The following WWOX variants were observed in gnomAD, a reference collection of about 807,000 sequenced individuals.
WWOX encodes WW domain containing oxidoreductase.
In WWOX, 69 loss-of-function variants were observed where a neutral mutation model predicts 46.2. That is an observed-to-expected ratio of 1.49 (90% CI 1.23 to 1.82). WWOX has a LOEUF of 1.82. Ranked by LOEUF, WWOX falls within the 40% of genes most tolerant of loss-of-function variation. The pLI is 0.00. For missense variants in WWOX, 919 were observed against 542.6 expected (o/e 1.69, Z -6.89); for synonymous variants, 359 against 202.6 (o/e 1.77, Z -6.56).
intron 8 of WWOX, among the ~76,000 whole-genome samples, chr16:78,847,941 A>G (rs1425734986): frequency 1.3e-5 from 2 of 152,150 alleles, no homozygotes; most frequent in Non-Finnish European, 2.9e-5. Flanking sequence ...CACTGCACGA[A>G]CAACCCTGAG....
chr16:78,814,164 C>A (rs918945827), intron 8 of WWOX, among the ~76,000 whole-genome samples: 1 of 152,180 alleles, frequency 6.6e-6, no homozygotes, highest in Non-Finnish European at 1.5e-5. Context: ...TGCCGGCAAG[C>A]GGAGTCAGTT....
rs1278110552 is a variant in WWOX, at chr16:78,339,864, C to T, written c.517-46996C>T. 4.3e-5 allele frequency among the ~76,000 whole-genome samples: 5 copies of T among 116,572 alleles called. 1 individual carries two copies. Among genetic ancestry groups the T allele is most frequent in the Non-Finnish European group, 1.0e-4 (5 of 49,272 alleles). The allele number at this position is 116,572 out of a possible 152,430, so 76.5% of individuals were successfully genotyped here. A position where few individuals can be genotyped will look rare whatever the true frequency, so the allele number is the denominator to read the frequency against. On this transcript the variant is annotated intron_variant, in intron 5 of 8. Transcript: ENST00000566780. ...GAGGCATATCATCAACCCCTTGCTG[C>T]TATCCAAATAGGAGACTGTTCCCTT...
intron 8 of WWOX, among the ~76,000 whole-genome samples, chr16:78,842,573 T>C (rs1393232963): frequency 2.0e-5 from 3 of 152,036 alleles, no homozygotes; most frequent in Non-Finnish European, 4.4e-5. Flanking sequence ...GTACATAGAA[T>C]ACAAGAGGAG....
At chr16:78,923,099 A>C (rs891000009) in intron 8 of WWOX, among the ~76,000 whole-genome samples, 1 of 150,902 alleles carries the variant, frequency 6.6e-6, no homozygotes, top group Admixed American at 6.6e-5. Flanking sequence ...CTCCTGCCTC[A>C]GCCTTGCGAG....
At chr16:78,606,639 T>G (rs1363001015) in intron 8 of WWOX, among the ~76,000 whole-genome samples, 2 of 151,364 alleles carry the variant, frequency 1.3e-5, no homozygotes, top group Non-Finnish European at 2.9e-5. Flanking sequence ...TGACACGAAG[T>G]TGAATATGTG....
At chr16:78,151,799 C>T (rs1441573382) in intron 4 of WWOX, among the ~76,000 whole-genome samples, 1 of 152,176 alleles carries the variant, frequency 6.6e-6, no homozygotes, top group Non-Finnish European at 1.5e-5. Flanking sequence ...TGCCCCCAAC[C>T]GGTAACTCTC....
At position 78,953,728 on chromosome 16, in the gene WWOX, C is replaced by A. The variant is rs1033766466; in HGVS notation, c.1057-257880C>A. On this transcript the variant is annotated intron_variant, in intron 8 of 8. Transcript: ENST00000566780. Reference sequence around the variant, plus strand: ...CATGCATGAATGGATAAACTCTTTCCTGGAATGCCTGCTCTCATCACCTGG... The same window carrying A: ...CATGCATGAATGGATAAACTCTTTCATGGAATGCCTGCTCTCATCACCTGG... Among the ~76,000 whole-genome samples, 10 of 152,258 alleles carry A rather than the reference C, an allele frequency of 6.6e-5. No individual in the cohort carries two copies. The South Asian group carries it at 2.1e-3, about 32-fold the overall frequency.
intron 8 of WWOX, among the ~76,000 whole-genome samples, chr16:78,702,033 ATATATATAT>A: frequency 8.1e-6 from 1 of 123,046 alleles, no homozygotes; most frequent in African/African-American, 4.1e-5. Context: ...ATATATATAT[ATATATATAT>A]ATAAAATAAT....
intron 8 of WWOX, among the ~76,000 whole-genome samples, chr16:78,887,295 ACT>A (rs1491115233): frequency 3.3e-5 from 5 of 151,312 alleles, no homozygotes; most frequent in Admixed American, 6.6e-5. Context: ...ATTTCTCCTG[ACT>A]CTCTATGCAG....
chr16:78,577,621 A>T (rs1193953048), intron 8 of WWOX, among the ~76,000 whole-genome samples: 1 of 152,156 alleles, frequency 6.6e-6, no homozygotes, highest in Non-Finnish European at 1.5e-5. Flanking sequence ...TGGTTCCTAA[A>T]TTATTTAAAT....
chr16:78,173,687 T>A (rs2035237359), intron 5 of WWOX, among the ~76,000 whole-genome samples: 1 of 152,188 alleles, frequency 6.6e-6, no homozygotes, highest in Admixed American at 6.5e-5. Context: ...CAGTAAATGG[T>A]CGTTGCAGGG....
At chr16:78,782,909 C>CT (rs1335671730) in intron 8 of WWOX, among the ~76,000 whole-genome samples, 1 of 152,100 alleles carries the variant, frequency 6.6e-6, no homozygotes, top group Non-Finnish European at 1.5e-5. Flanking sequence ...TGTTTTATAT[C>CT]TATTACAAAG....
chr16:78,539,981 A>G (rs2043849257), intron 8 of WWOX, among the ~76,000 whole-genome samples: 1 of 146,212 alleles, frequency 6.8e-6, no homozygotes, highest in African/African-American at 2.6e-5. Flanking sequence ...CCTTTCCAAT[A>G]CATCTCTCTC....
At chr16:78,522,939 G>T (rs937826714) in intron 8 of WWOX, among the ~76,000 whole-genome samples, 1 of 152,188 alleles carries the variant, frequency 6.6e-6, no homozygotes, top group Non-Finnish European at 1.5e-5. Context: ...AGGCATGGTG[G>T]CATGTGCCTG....
At chr16:78,368,068 C>G (rs560415569) in intron 5 of WWOX, among the ~76,000 whole-genome samples, 2 of 152,092 alleles carry the variant, frequency 1.3e-5, no homozygotes, top group Non-Finnish European at 2.9e-5. Flanking sequence ...CTGCCAGCTT[C>G]TCATTATGAT....
At chr16:78,446,497 C>T (rs554121168) in intron 8 of WWOX, among the ~76,000 whole-genome samples, 32 of 152,122 alleles carry the variant, frequency 2.1e-4, no homozygotes, top group African/African-American at 5.5e-4. Flanking sequence ...CCAGGAACTC[C>T]GTAAATGCCA....
intron 4 of WWOX, among the ~76,000 whole-genome samples, chr16:78,153,518 T>C (rs887837441): frequency 1.8e-4 from 28 of 152,198 alleles, no homozygotes; most frequent in Non-Finnish European, 2.8e-4. Context: ...TAATGGCAGA[T>C]CTCCAGGGAG....
chr16:79,046,220 G>C (rs1462387250), intron 8 of WWOX, among the ~76,000 whole-genome samples: 1 of 152,196 alleles, frequency 6.6e-6, no homozygotes, highest in Non-Finnish European at 1.5e-5. Context: ...ATGTATCCAA[G>C]TGTTTAGTTC....
chr16:78,705,530 A>G (rs79258371), intron 8 of WWOX, among the ~76,000 whole-genome samples: 1 of 152,156 alleles, frequency 6.6e-6, no homozygotes. Context: ...CTAATGTAAG[A>G]AGTGCTGGCT....
Sources: gnomAD v4.1 joint callset for allele counts (sites outside exome capture counted in the v4.1 genomes callset) on GRCh38, gnomAD v4.1.1 for gene constraint, MANE v1.5 for transcripts, NCBI Gene and HGNC (gene_info 2026-07-23, HGNC 2026-07-21) for gene names.